The following MPZL1 variants were observed in gnomAD, a reference collection of about 807,000 sequenced individuals.
MPZL1 encodes the protein myelin protein zero-like protein 1.
A neutral mutation model predicts 29.3 loss-of-function variants in MPZL1; 16 were observed. That is an observed-to-expected ratio of 0.55 (90% CI 0.37 to 0.83). The LOEUF is 0.83. Among genes scored for constraint, MPZL1 ranks in the 40% least tolerant of loss-of-function variants. MPZL1 has a pLI of 0.00. For missense variants in MPZL1, 279 were observed against 332.9 expected, an observed-to-expected ratio of 0.84 and a Z score of 1.26; for synonymous variants, 143 against 132.0, an observed-to-expected ratio of 1.08 and a Z score of -0.57.
At chr1:167,723,455 GAC>G (rs1210166974) in intron 1 of MPZL1, among the ~76,000 whole-genome samples, 2 of 152,232 alleles carry the variant, frequency 1.3e-5, no homozygotes, top group Non-Finnish European at 2.9e-5. Flanking sequence ...CTTTGTGTAA[GAC>G]ACAATCCATT....
chr1:167,748,162 T>A (rs1262350044), intron 1 of MPZL1, among the ~76,000 whole-genome samples: 5 of 152,238 alleles, frequency 3.3e-5, no homozygotes, highest in African/African-American at 1.2e-4. Flanking sequence ...TGTATATACT[T>A]AGGATTGCTA....
intron 1 of MPZL1, among the ~76,000 whole-genome samples, chr1:167,748,867 C>G (rs1457477649): frequency 6.6e-6 from 1 of 152,090 alleles, no homozygotes. Flanking sequence ...CACTAAAGAA[C>G]TTCCTCAGTT....
intron 1 of MPZL1, among the ~76,000 whole-genome samples, chr1:167,756,921 G>T (rs1239209670): frequency 6.6e-6 from 1 of 152,148 alleles, no homozygotes; most frequent in Admixed American, 6.5e-5. Context: ...GGGAGCACAG[G>T]GTGGGGAGTG....
chr1:167,770,598 G>A (rs910456485), intron 2 of MPZL1, among the ~76,000 whole-genome samples: 2 of 152,218 alleles, frequency 1.3e-5, no homozygotes, highest in African/African-American at 4.8e-5. Flanking sequence ...ACTCAGATTA[G>A]CTGATCTGAG....
At chr1:167,733,514 A>T (rs1271360202) in intron 1 of MPZL1, among the ~76,000 whole-genome samples, 1 of 151,270 alleles carries the variant, frequency 6.6e-6, no homozygotes, top group East Asian at 2.0e-4. Flanking sequence ...GGAAGCTGAG[A>T]TGGGTGGATT....
intron 1 of MPZL1, among the ~76,000 whole-genome samples, chr1:167,740,715 T>C (rs2101757649): frequency 6.6e-6 from 1 of 152,330 alleles, no homozygotes; most frequent in East Asian, 1.9e-4. Flanking sequence ...CAGACCTCTC[T>C]GAACATCAGA....
chr1:167,731,434 C>CTTTTTT (rs1255648939), intron 1 of MPZL1, among the ~76,000 whole-genome samples: 2 of 121,588 alleles, frequency 1.6e-5, no homozygotes, highest in Admixed American at 8.3e-5. Context: ...AAAACTGTGT[C>CTTTTTT]TTTTTTTTTT....
At chr1:167,766,707 A>G (rs1238350839) in intron 2 of MPZL1, among the ~76,000 whole-genome samples, 1 of 152,200 alleles carries the variant, frequency 6.6e-6, no homozygotes, top group Non-Finnish European at 1.5e-5. Flanking sequence ...TCATATGCCT[A>G]TGCCATTTAA....
In MPZL1 at chr1:167,754,798, G is replaced by A. The variant is rs189414424; in HGVS notation, c.92-10785G>A. ...GCCTTTTAAAAATCCTGATACCCAG[G>A]CCATACCCCTTACCAATTAAATCAG... On this transcript the variant is annotated intron_variant, in intron 1 of 5. Transcript: ENST00000359523. Among the ~76,000 whole-genome samples, 317 of 152,286 alleles carry A rather than the reference G, an allele frequency of 2.1e-3. 1 individual carries two copies. Among genetic ancestry groups the A allele is most frequent in the South Asian group, 0.016 (79 of 4,820 alleles).
chr1:167,739,308 TAC>T (rs374786249), intron 1 of MPZL1, among the ~76,000 whole-genome samples: 39 of 77,850 alleles, frequency 5.0e-4, no homozygotes, highest in African/African-American at 2.1e-3. Flanking sequence ...TATATATATA[TAC>T]ACATATATAT....
At chr1:167,765,896 A>G in intron 2 of MPZL1, 147 bp downstream of exon 2, 1 of 658,764 alleles carries the variant, frequency 1.5e-6, no homozygotes, top group Non-Finnish European at 2.3e-6. Flanking sequence ...CTTTTGCTTC[A>G]GGATAAAATA....
At chr1:167,735,995 T>A (rs549217205) in intron 1 of MPZL1, among the ~76,000 whole-genome samples, 1 of 152,316 alleles carries the variant, frequency 6.6e-6, no homozygotes, top group African/African-American at 2.4e-5. Context: ...TTCCTCCTCC[T>A]CTCACTATTT....
intron 1 of MPZL1, among the ~76,000 whole-genome samples, chr1:167,743,357 C>G (rs982835764): frequency 2.0e-5 from 3 of 151,792 alleles, no homozygotes; most frequent in South Asian, 4.2e-4. Flanking sequence ...ACTACAGGCG[C>G]ACATCACGCC....
intron 5 of MPZL1, among the ~76,000 whole-genome samples, chr1:167,781,076 A>G (rs922170078): frequency 4.6e-5 from 7 of 152,192 alleles, no homozygotes; most frequent in Middle Eastern, 3.2e-3. Flanking sequence ...AAATATTTAT[A>G]CTTCTAATAA....
At chr1:167,744,305 A>G (rs1453960914) in intron 1 of MPZL1, among the ~76,000 whole-genome samples, 1 of 152,086 alleles carries the variant, frequency 6.6e-6, no homozygotes, top group Non-Finnish European at 1.5e-5. Context: ...ACCTTTCTAG[A>G]CATCTTGTTA....
chr1:167,739,369 C>T (rs1459688760), intron 1 of MPZL1, among the ~76,000 whole-genome samples: 5 of 145,374 alleles, frequency 3.4e-5, no homozygotes, highest in Non-Finnish European at 1.5e-5. Context: ...TGAATCTCTG[C>T]CAAGGCCCAG....
intron 1 of MPZL1, among the ~76,000 whole-genome samples, chr1:167,743,921 G>C (rs1014374933): frequency 6.6e-6 from 1 of 151,782 alleles, no homozygotes; most frequent in African/African-American, 2.4e-5. Context: ...CTGATTTCTC[G>C]GGCTAGGACT....
intron 5 of MPZL1, among the ~76,000 whole-genome samples, chr1:167,782,088 A>G (rs945966848): frequency 6.6e-6 from 1 of 152,130 alleles, no homozygotes. Context: ...CATTTTCTGC[A>G]TAATTTCTTC....
At chr1:167,782,861 C>T (rs1661523491) in intron 5 of MPZL1, among the ~76,000 whole-genome samples, 1 of 152,060 alleles carries the variant, frequency 6.6e-6, no homozygotes, top group Admixed American at 6.6e-5. Context: ...CAGGCAGCTT[C>T]CAGAAGCTGG....
Sources: allele counts gnomAD v4.1 joint callset (sites outside exome capture counted in the v4.1 genomes callset), GRCh38; gene constraint gnomAD v4.1.1; transcripts MANE v1.5; gene names NCBI Gene and HGNC (gene_info 2026-07-23, HGNC 2026-07-21).